Variants in SPATA13 observed in about 807,000 individuals in gnomAD.
SPATA13 encodes spermatogenesis associated 13.
In SPATA13, 50 loss-of-function variants were observed where a neutral mutation model predicts 104.0. That is an observed-to-expected ratio of 0.48 (90% CI 0.38 to 0.61). The LOEUF is 0.61. Ranked by LOEUF, SPATA13 falls within the 20% of genes least tolerant of loss-of-function variation. The pLI, the probability that SPATA13 is intolerant of heterozygous loss-of-function variation, is 0.00. For missense variants in SPATA13, 1,524 were observed against 1,690.6 expected (o/e 0.90, Z 1.73); for synonymous variants, 606 against 667.5 (o/e 0.91, Z 1.42).
intron 4 of SPATA13, among the ~76,000 whole-genome samples, chr13:24,280,301 T>G (rs140868384): frequency 5.3e-5 from 8 of 152,366 alleles, no homozygotes; most frequent in African/African-American, 1.9e-4. Flanking sequence ...TAGACTCCTG[T>G]TAATTGTGAA....
At chr13:24,300,666 T>C in intron 12 of SPATA13, 191 bp downstream of exon 12, 1 of 590,090 alleles carries the variant, frequency 1.7e-6, no homozygotes, top group Non-Finnish European at 3.1e-6. Flanking sequence ...TGCGTCAGTG[T>C]TTGCTTCCAT....
At chr13:24,189,256 C>T (rs906459569) in intron 1 of SPATA13, among the ~76,000 whole-genome samples, 7 of 151,682 alleles carry the variant, frequency 4.6e-5, no homozygotes, top group African/African-American at 7.3e-5. Context: ...TGGATCACGA[C>T]GTCAGGAGAT....
chr13:24,017,424 T>C (rs1876767936), intron 2 of SPATA13, among the ~76,000 whole-genome samples: 1 of 152,182 alleles, frequency 6.6e-6, no homozygotes, highest in Non-Finnish European at 1.5e-5. Flanking sequence ...TCTAAATCTC[T>C]TGGGCAGAGC....
At chr13:24,222,724 GA>G in intron 1 of SPATA13, 94 bp from the exon 2 acceptor site, 2 of 1,075,086 alleles carry the variant, frequency 1.9e-6, no homozygotes, top group Non-Finnish European at 2.6e-6. Flanking sequence ...GCTTTCATCT[GA>G]CCAGCCCTGT....
At position 24,297,383 on chromosome 13, in the gene SPATA13, A is replaced by C; in HGVS notation, c.3231A>C (p.Arg1077=). ...TCCAGGGACTGGATATCTTAGACCG[A>C]AGCTCAGAATTGATTCATTCTGGGG... ...VGWEGLDILD[R]SSELIHSGEL... The change falls in exon 11 of 13, where the codon CGA becomes CGC. Residue 1077 remains arginine (R), a synonymous_variant. Coordinates refer to ENST00000382108, the MANE Select transcript of SPATA13 (RefSeq NM_001166271.3). The C allele has an allele frequency of 6.2e-7, 1 of 1,611,368 alleles. No individual in the cohort carries two copies. Among genetic ancestry groups the C allele is most frequent in the Non-Finnish European group, 8.5e-7 (1 of 1,178,264 alleles).
In SPATA13 at chr13:24,302,694, T is replaced by C. The variant is rs1348407704; in HGVS notation, c.3755T>C (p.Val1252Ala). Reference protein sequence around the residue: ...TMPTSVPQQQVFGLAEPKRKS... With the variant: ...TMPTSVPQQQAFGLAEPKRKS... ...CCCACAAGCGTCCCCCAGCAGCAGG[T>C]CTTTGGCCTGGCGGAACCCAAGAGG... The change falls in exon 13 of 13, where the codon GTC becomes GCC. Residue 1252 changes from valine to alanine, a missense_variant. This residue lies in a region of SPATA13 where 435 missense variants were observed against 554.8 expected (regional missense o/e 0.78). Coordinates refer to ENST00000382108, the MANE Select transcript of SPATA13 (RefSeq NM_001166271.3). 3 of 1,614,006 alleles carry C rather than the reference T, an allele frequency of 1.9e-6. No homozygotes were observed. The highest frequency in any genetic ancestry group is 2.5e-6 in the Non-Finnish European group (3 of 1,180,018).
intron 3 of SPATA13, among the ~76,000 whole-genome samples, chr13:24,046,868 T>TA: frequency 6.6e-6 from 1 of 152,286 alleles, no homozygotes; most frequent in Middle Eastern, 3.4e-3. Context: ...ACTGCAGAGA[T>TA]AAAATCAGTT....
chr13:24,020,696 A>G (rs1876936712), intron 3 of SPATA13, among the ~76,000 whole-genome samples: 1 of 152,226 alleles, frequency 6.6e-6, no homozygotes, highest in Non-Finnish European at 1.5e-5. Flanking sequence ...TTCAATGAAT[A>G]CTTTTTAGTA....
At chr13:24,016,441 C>T (rs150454818) in intron 2 of SPATA13, among the ~76,000 whole-genome samples, 1 of 152,248 alleles carries the variant, frequency 6.6e-6, no homozygotes, top group African/African-American at 2.4e-5. Flanking sequence ...TTCTCAAATT[C>T]TTGCTGGAAG....
Position 24,088,467 on chromosome 13 carries a change from CA to C in SPATA13, c.-112+70767del, listed in dbSNP as rs1879805167. 6.6e-6 allele frequency among the ~76,000 whole-genome samples: 1 copy of C among 152,132 alleles called. No individual in the cohort carries two copies. Among genetic ancestry groups the C allele is most frequent in the Admixed American group, 6.5e-5 (1 of 15,272 alleles). On this transcript the variant is annotated intron_variant, in intron 3 of 14. Coordinates refer to the SPATA13 transcript ENST00000424834. This position sits in a 1 kb window ranked among gnomAD's most constrained non-coding sequence, Gnocchi z 4.3. ...GAGAACCCAAGCCCATCACCCTGGACATTGACACTTCTCTTAGGGAAACACT... is the reference window on the plus strand; with the variant it reads ...GAGAACCCAAGCCCATCACCCTGGACTTGACACTTCTCTTAGGGAAACACT...
rs141520364 is a variant in SPATA13 at position 24,179,296 on chromosome 13, C to T, written c.-112+18364C>T. Reference sequence around the variant, plus strand: ...CATTTCTCTTGGGCATATACCTATGCGTGGCATTGCTGAGTCAAATGGTAA... The same window carrying T: ...CATTTCTCTTGGGCATATACCTATGTGTGGCATTGCTGAGTCAAATGGTAA... On this transcript the variant is annotated intron_variant, in intron 1 of 12. Transcript: ENST00000382108. Among the ~76,000 whole-genome samples the T allele has an allele frequency of 1.9e-3, 296 of 152,218 alleles. 2 individuals are homozygous for T. The highest frequency in any genetic ancestry group is 6.7e-3 in the African/African-American group (278 of 41,546).
chr13:24,162,237 A>G (rs1882531545), intron 1 of SPATA13, among the ~76,000 whole-genome samples: 1 of 152,144 alleles, frequency 6.6e-6, no homozygotes, highest in Non-Finnish European at 1.5e-5. Context: ...GCTCCCGTGC[A>G]TATGCAGGTT....
At position 24,189,944 on chromosome 13, in the gene SPATA13, C is replaced by CGT. The variant is rs1566140820; in HGVS notation, c.-112+29012_-112+29013insGT. ...TATTATATAATTATATAATATATTA[C>CGT]ATAATATATTATATAATTATAAAAT... On this transcript the variant is annotated intron_variant, in intron 1 of 12. Transcript: ENST00000382108. Among the ~76,000 whole-genome samples the CGT allele has an allele frequency of 4.5e-4, 13 of 29,020 alleles. 2 individuals are homozygous for CGT. Among genetic ancestry groups the CGT allele is most frequent in the South Asian group, 5.5e-3 (2 of 366 alleles). 19.0% of individuals were successfully genotyped at this position (29,020 alleles called of 152,430 possible). A position where few individuals can be genotyped will look rare whatever the true frequency, so the allele number is the denominator to read the frequency against.
At chr13:24,247,018 G>A (rs1873178935) in intron 2 of SPATA13, among the ~76,000 whole-genome samples, 1 of 152,194 alleles carries the variant, frequency 6.6e-6, no homozygotes. Flanking sequence ...GTGTCTGTTT[G>A]GGTGTGGATT....
intron 1 of SPATA13, among the ~76,000 whole-genome samples, chr13:23,983,575 T>C (rs991153722): frequency 2.0e-5 from 3 of 152,154 alleles, no homozygotes; most frequent in Admixed American, 6.5e-5. Flanking sequence ...ATTAGTATTT[T>C]CTCTTAGCAC....
rs778589572 is a variant in SPATA13 at position 24,178,439 on chromosome 13, C to T, written c.-112+17507C>T. Among the ~76,000 whole-genome samples the T allele has an allele frequency of 2.4e-4, 37 of 152,218 alleles. 1 individual carries two copies. The highest frequency in any genetic ancestry group is 5.1e-4 in the Non-Finnish European group (35 of 68,020). ...AGCTTTTTTGACCATTATCTTATGA[C>T]ATCACTTGTATACAGTTATTAATAG... On this transcript the variant is annotated intron_variant, in intron 1 of 12. Coordinates refer to ENST00000382108, the MANE Select transcript of SPATA13 (RefSeq NM_001166271.3).
At chr13:24,054,004 G>C (rs4769315) in intron 3 of SPATA13, among the ~76,000 whole-genome samples, 87,633 of 151,932 alleles carry the variant, frequency 0.58, 26,796 homozygotes, top group Middle Eastern at 0.75. Context: ...GTGTCGTTGG[G>C]GTGACGGAGG....
At chr13:24,035,010 A>G (rs992549979) in intron 3 of SPATA13, 1 of 152,256 alleles carries the variant, frequency 6.6e-6, no homozygotes, top group African/African-American at 2.4e-5. Context: ...TTGCCAAGAA[A>G]TAAAGCTCTA....
At chr13:24,191,035 C>G (rs971775048) in intron 1 of SPATA13, among the ~76,000 whole-genome samples, 1 of 152,146 alleles carries the variant, frequency 6.6e-6, no homozygotes, top group African/African-American at 2.4e-5. Context: ...ACCATTGAGG[C>G]AAGACCCTCC....
Sources: gnomAD v4.1 joint callset for allele counts (sites outside exome capture counted in the v4.1 genomes callset) on GRCh38, gnomAD v4.1.1 for gene constraint, gnomAD v4.1.1 regional missense constraint, Gnocchi (gnomAD v3.1) non-coding constraint, MANE v1.5 for transcripts, NCBI Gene and HGNC (gene_info 2026-07-23, HGNC 2026-07-21) for gene names.